Variants in NRXN2 observed in about 807,000 individuals in gnomAD.
The protein encoded by NRXN2 is neurexin-2-beta.
In NRXN2, 29 loss-of-function variants were observed where a neutral mutation model predicts 128.8. The observed-to-expected ratio is 0.23, with a 90% CI of 0.17 to 0.31. The LOEUF (loss-of-function observed/expected upper bound fraction) is 0.31. NRXN2 is among the 10% of genes least tolerant of loss of function. NRXN2 has a pLI of 1.00. For missense variants in NRXN2, 1,881 were observed against 2,452.6 expected (o/e 0.77, Z 4.92); for synonymous variants, 1,098 against 1,075.2 (o/e 1.02, Z -0.41).
chr11:64,713,412 G>A lies in NRXN2; in HGVS notation c.288C>T (p.Ala96=), dbSNP rs764029179. Residue 96 remains alanine, a synonymous_variant, in exon 2 of 23, where the codon GCC becomes GCT. Transcript: ENST00000265459. ...RLRLRFTLSC[A]EPATLQLDTP... is the part of the protein sequence containing the mutation. ...TGTCCAGCTGCAGCGTGGCCGGCTC[G>A]GCGCACGAAAGCGTGAAGCGCAGCC... is the stretch of plus-strand genomic sequence containing the variant. 1.8e-4 allele frequency: 261 copies of A among 1,490,552 alleles called. 2 individuals are homozygous for A. Among genetic ancestry groups the A allele is most frequent in the Non-Finnish European group, 1.7e-4 (195 of 1,126,038 alleles). 92.3% of individuals were successfully genotyped at this position (1,490,552 alleles called of 1,614,324 possible). A position where few individuals can be genotyped will look rare whatever the true frequency, so the allele number is the denominator to read the frequency against.
chr11:64,625,514 C>A (rs1413183859), intron 20 of NRXN2, among the ~76,000 whole-genome samples: 2 of 152,152 alleles, frequency 1.3e-5, no homozygotes, highest in African/African-American at 4.8e-5. Context: ...GCATGGGGGG[C>A]TAGAAGTTAC....
intron 2 of NRXN2, among the ~76,000 whole-genome samples, chr11:64,702,813 GAA>G (rs1193820004): frequency 1.6e-5 from 2 of 123,534 alleles, no homozygotes; most frequent in African/African-American, 6.0e-5. Context: ...AAAAAAATTA[GAA>G]AAAAAAAAAA....
At chr11:64,689,357 A>T (rs563546208) in intron 5 of NRXN2, among the ~76,000 whole-genome samples, 102 of 152,060 alleles carry the variant, frequency 6.7e-4, no homozygotes, top group African/African-American at 2.3e-3. Flanking sequence ...GGCATGAGCC[A>T]CCGTGCCTGG....
rs558989840 is a variant in NRXN2 at position 64,683,200 on chromosome 11, T to C, written c.1152+2446A>G. 8.5e-5 allele frequency among the ~76,000 whole-genome samples: 13 copies of C among 152,350 alleles called. No homozygotes were observed. In the East Asian group the frequency reaches 9.6e-4, roughly 11 times the overall value. On this transcript the variant is annotated intron_variant, in intron 6 of 22. Transcript: ENST00000265459. ...GCTGAAGACAGATGTCATTTCTCCC[T>C]GTCCTTGCTCCTGGCCCACAAAACC... is the stretch of plus-strand genomic sequence containing the variant.
chr11:64,648,682 G>GGCCATCCTGTA lies in NRXN2; in HGVS notation c.3283+41_3283+51dup. Reference sequence around the variant, plus strand: ...CCTGCCCCGGTCTGCCTCTGCAGCTGGCCATCCTGTAGCCAGTAGGGCCAC... The same window carrying GGCCATCCTGTA: ...CCTGCCCCGGTCTGCCTCTGCAGCTGGCCATCCTGTAGCCATCCTGTAGCCAGTAGGGCCAC... On this transcript the variant is annotated intron_variant, in intron 16 of 22. Coordinates refer to ENST00000265459, the MANE Select transcript of NRXN2 (RefSeq NM_015080.4). The surrounding 1 kb of genome is among the most constrained non-coding windows in gnomAD (Gnocchi z 4.1). 1 of 1,607,800 alleles carries GGCCATCCTGTA rather than the reference G, an allele frequency of 6.2e-7. No homozygotes were observed. Among genetic ancestry groups the GGCCATCCTGTA allele is most frequent in the South Asian group, 1.1e-5 (1 of 90,906 alleles).
chr11:64,633,827 C>G (rs1331975828), intron 18 of NRXN2, among the ~76,000 whole-genome samples: 2 of 152,158 alleles, frequency 1.3e-5, no homozygotes, highest in African/African-American at 4.8e-5. Flanking sequence ...AGATAACTGC[C>G]TGTCCCGCTG....
Position 64,620,331 on chromosome 11 carries a change from G to A in NRXN2, c.4215C>T (p.Ser1405=), listed in dbSNP as rs376642593. ...DLLVASAECP[S]DDEDLEECEP... ...CACACTCCTCCAGGTCCTCATCATC[G>A]CTTGGACACTCAGCAGAGGCCACCA... The change falls in exon 22 of 23, where the codon AGC becomes AGT. Residue 1405 remains serine (S), a synonymous_variant. Coordinates refer to ENST00000265459, the MANE Select transcript of NRXN2 (RefSeq NM_015080.4). 7.1e-6 allele frequency: 11 copies of A among 1,554,342 alleles called. No individual in the cohort carries two copies. Among genetic ancestry groups the A allele is most frequent in the Middle Eastern group, 1.7e-4 (1 of 6,020 alleles).
At position 64,635,968 on chromosome 11, in the gene NRXN2, T is replaced by C. The variant is rs1347108662; in HGVS notation, c.3404-516A>G. Reference sequence around the variant, plus strand: ...TGACTCACGGCCAGAGCTGGCGCCCTCCAACATCTCCCATCCCAACCCCTC... The same window carrying C: ...TGACTCACGGCCAGAGCTGGCGCCCCCCAACATCTCCCATCCCAACCCCTC... On this transcript the variant is annotated intron_variant, in intron 17 of 22. Transcript: ENST00000265459. The surrounding 1 kb of genome is among the most constrained non-coding windows in gnomAD (Gnocchi z 4.8). Among the ~76,000 whole-genome samples, 2 of 152,028 alleles carry C rather than the reference T, an allele frequency of 1.3e-5. No individual in the cohort carries two copies. The highest frequency in any genetic ancestry group is 2.1e-4 in the South Asian group (1 of 4,810).
intron 4 of NRXN2, among the ~76,000 whole-genome samples, chr11:64,691,932 G>C (rs893943324): frequency 6.6e-6 from 1 of 152,204 alleles, no homozygotes; most frequent in Admixed American, 6.5e-5. Context: ...GGCTGAATTG[G>C]GCAGGTCCAA....
chr11:64,713,127 C>A lies in NRXN2; in HGVS notation c.573G>T (p.Leu191=). The A allele has an allele frequency of 7.0e-7, 1 of 1,426,772 alleles. No individual in the cohort carries two copies. The highest frequency in any genetic ancestry group is 9.2e-7 in the Non-Finnish European group (1 of 1,089,640). 88.4% of individuals were successfully genotyped at this position (1,426,772 alleles called of 1,614,324 possible). The stretch of plus-strand genomic sequence containing the variant: ...CGCCGCGCAGGCCCTGGCTGCCCAG[C>A]AGCGCGGGGGGCCGCTCGCCCAGCT... The part of the protein sequence containing the change: ...NLKLGERPPA[L]LGSQGLRGAT... Residue 191 remains leucine (L), a synonymous_variant, in exon 2 of 23, where the codon CTG becomes CTT. Coordinates refer to ENST00000265459, the MANE Select transcript of NRXN2 (RefSeq NM_015080.4).
At position 64,667,294 on chromosome 11, in the gene NRXN2, T is replaced by C. The variant is rs376004089; in HGVS notation, c.1754A>G (p.Asp585Gly). The change falls in exon 9 of 23, where the codon GAT (aspartate) becomes GGT (glycine). Residue 585 changes from aspartate (D) to glycine (G), a missense_variant. Physicochemically the swap from Asp to Gly is moderately conservative, Grantham distance 94 (BLOSUM62 -1). Around this residue, in one of 7 missense-constraint regions of NRXN2, gnomAD observed 997 missense variants for 1,240.8 expected, o/e 0.80. Coordinates refer to ENST00000265459, the MANE Select transcript of NRXN2 (RefSeq NM_015080.4). The surrounding 1 kb of genome is among the most constrained non-coding windows in gnomAD (Gnocchi z 5.6). ...KLRASSRKVN[D>G]GEWCHVDFQR... ...GAAGTCCACGTGACACCACTCGCCA[T>C]CATTGACCTTGCGGCTGGATGCCCG... 13 of 1,614,224 alleles carry C rather than the reference T, an allele frequency of 8.1e-6. No individual in the cohort carries two copies. Among genetic ancestry groups the C allele is most frequent in the Non-Finnish European group, 1.1e-5 (13 of 1,180,040 alleles).
intron 5 of NRXN2, among the ~76,000 whole-genome samples, chr11:64,687,957 A>T (rs956117860): frequency 6.6e-6 from 1 of 152,104 alleles, no homozygotes. Context: ...CAGAAAAAGG[A>T]ATGTTTGACC....
Position 64,607,505 on chromosome 11 carries a change from G to A in NRXN2, c.4830C>T (p.Pro1610=), listed in dbSNP as rs779662821. ...CCCCAGGCCCTGTGGGGTTGGCTGT[G>A]GGCAGATGGGGGAAGCCGGGGGCTG... ...VTSAPGFPHL[P]TANPTGPGER... is the part of the protein sequence containing the mutation. Residue 1610 remains proline, a synonymous_variant, in exon 23 of 23, where the codon CCC becomes CCT. Coordinates refer to ENST00000265459, the MANE Select transcript of NRXN2 (RefSeq NM_015080.4). 12 of 1,594,708 alleles carry A rather than the reference G, an allele frequency of 7.5e-6. No homozygotes were observed. In the South Asian group the frequency reaches 1.0e-4, roughly 13 times the overall value.
chr11:64,651,736 GT>G lies in NRXN2; in HGVS notation c.2537-101del. ...CCCTCCACAGGAGGGCCACCCATGA[GT>G]GACATCTTTAGAGATGTCCTCGGCT... On this transcript the variant is annotated intron_variant, in intron 13 of 22. Coordinates refer to ENST00000265459, the MANE Select transcript of NRXN2 (RefSeq NM_015080.4). The surrounding 1 kb of genome is among the most constrained non-coding windows in gnomAD (Gnocchi z 5.9). The G allele has an allele frequency of 7.4e-7, 1 of 1,347,076 alleles. No homozygotes were observed. The highest frequency in any genetic ancestry group is 1.0e-6 in the Non-Finnish European group (1 of 961,068). The allele number at this position is 1,347,076 out of a possible 1,614,324, so 83.4% of individuals were successfully genotyped here. A position where few individuals can be genotyped will look rare whatever the true frequency, so the allele number is the denominator to read the frequency against.
At position 64,607,437 on chromosome 11, in the gene NRXN2, C is replaced by G; in HGVS notation, c.4898G>C (p.Ser1633Thr). The G allele has an allele frequency of 6.2e-7, 1 of 1,612,650 alleles. No homozygotes were observed. The highest frequency in any genetic ancestry group is 8.5e-7 in the Non-Finnish European group (1 of 1,179,854). The change falls in exon 23 of 23, where the codon AGC becomes ACC. Residue 1633 changes from serine (S) to threonine (T), a missense_variant. Transcript: ENST00000265459. ...GCCCACCACCATGCCCGTGGTGCTG[C>G]TGGACTCCCGGATCACCTCCACTGC... ...PGAVEVIRES[S>T]STTGMVVGIV...
At chr11:64,653,584 C>G (rs1157454998) in intron 12 of NRXN2, 112 bp downstream of exon 12, 1 of 1,083,716 alleles carries the variant, frequency 9.2e-7, no homozygotes, top group Non-Finnish European at 1.4e-6. Context: ...GCCCAACCCC[C>G]ATTCGAGCCA....
Position 64,667,377 on chromosome 11 carries a change from C to T in NRXN2, c.1671G>A (p.Glu557=), listed in dbSNP as rs771828737. ...SAQRADYFAM[E]LLDGHLYLLL... ...GAAGATAGAGGTGGCCGTCCAATAGCTCCATGGCAAAGTAGTCGGCCCGCT... is the reference window on the plus strand; with the variant it reads ...GAAGATAGAGGTGGCCGTCCAATAGTTCCATGGCAAAGTAGTCGGCCCGCT... The change falls in exon 9 of 23, where the codon GAG becomes GAA. Residue 557 remains glutamate, a synonymous_variant. Transcript: ENST00000265459. This position sits in a 1 kb window ranked among gnomAD's most constrained non-coding sequence, Gnocchi z 5.6. The T allele has an allele frequency of 1.1e-5, 17 of 1,614,124 alleles. No homozygotes were observed. Among genetic ancestry groups the T allele is most frequent in the Non-Finnish European group, 5.9e-6 (7 of 1,180,062 alleles).
intron 22 of NRXN2, among the ~76,000 whole-genome samples, chr11:64,608,309 CT>C (rs1247199536): frequency 2.6e-5 from 4 of 152,098 alleles, no homozygotes; most frequent in Admixed American, 6.5e-5. Flanking sequence ...CTGTGACTCT[CT>C]GGGTTTTGGT....
chr11:64,704,623 C>CAGAGAGAGAGAGAG lies in NRXN2; in HGVS notation c.731-6845_731-6832dup, dbSNP rs61394963. Among the ~76,000 whole-genome samples the CAGAGAGAGAGAGAG allele has an allele frequency of 9.6e-3, 776 of 81,130 alleles. 30 individuals are homozygous for CAGAGAGAGAGAGAG. The highest frequency in any genetic ancestry group is 0.013 in the East Asian group (37 of 2,792). The allele number at this position is 81,130 out of a possible 152,430, so 53.2% of individuals were successfully genotyped here. A position where few individuals can be genotyped will look rare whatever the true frequency, so the allele number is the denominator to read the frequency against. On this transcript the variant is annotated intron_variant, in intron 2 of 22. Coordinates refer to ENST00000265459, the MANE Select transcript of NRXN2 (RefSeq NM_015080.4). ...TCACACACACACACACACACACACA[C>CAGAGAGAGAGAGAG]AGAGAGAGAGAGAGAGAGAGAGAGA...
Sources: gnomAD v4.1 joint callset for allele counts (sites outside exome capture counted in the v4.1 genomes callset) on GRCh38, gnomAD v4.1.1 for gene constraint, gnomAD v4.1.1 regional missense constraint, Gnocchi (gnomAD v3.1) non-coding constraint, MANE v1.5 for transcripts, NCBI Gene and HGNC (gene_info 2026-07-23, HGNC 2026-07-21) for gene names.